The following CHD9 variants were observed in gnomAD, a reference collection of about 807,000 sequenced individuals.
The protein encoded by CHD9 is chromodomain helicase DNA binding protein 9.
In CHD9, 77 loss-of-function variants were observed where a neutral mutation model predicts 316.1. That is an observed-to-expected ratio of 0.24 (90% confidence interval 0.20 to 0.29). The LOEUF (loss-of-function observed/expected upper bound fraction) is 0.29, where lower values mean the gene tolerates loss of function less well. CHD9 is among the 10% of genes least tolerant of loss of function. The pLI is 1.00. For missense variants in CHD9, 2,763 were observed against 3,438.1 expected, an observed-to-expected ratio of 0.80 and a Z score of 4.91; for synonymous variants, 1,129 against 1,158.3, an observed-to-expected ratio of 0.97 and a Z score of 0.51.
chr16:53,148,373 C>G (rs2040813896), intron 1 of CHD9, among the ~76,000 whole-genome samples: 1 of 152,204 alleles, frequency 6.6e-6, no homozygotes, highest in African/African-American at 2.4e-5. Context: ...TCCTGAGTAG[C>G]TGGGACTACA....
intron 2 of CHD9, among the ~76,000 whole-genome samples, chr16:53,160,811 G>A (rs1000203294): frequency 1.3e-5 from 2 of 152,180 alleles, no homozygotes; most frequent in Non-Finnish European, 2.9e-5. Context: ...GGAAGCTGAG[G>A]CAGGAGAATC....
intron 2 of CHD9, among the ~76,000 whole-genome samples, chr16:53,185,610 G>C (rs1211147131): frequency 1.3e-5 from 2 of 152,208 alleles, no homozygotes; most frequent in African/African-American, 4.8e-5. Flanking sequence ...AATGGGGCAA[G>C]TGTCTCCAAG....
At chr16:53,226,588 C>T in intron 5 of CHD9, 76 bp downstream of exon 5, 1 of 1,505,296 alleles carries the variant, frequency 6.6e-7, no homozygotes, top group Non-Finnish European at 8.9e-7. Flanking sequence ...ATTGTTTTTC[C>T]TACTAAAAAT....
chr16:53,114,330 T>C (rs2152627787), intron 1 of CHD9, among the ~76,000 whole-genome samples: 2 of 152,178 alleles, frequency 1.3e-5, no homozygotes, highest in East Asian at 3.9e-4. Flanking sequence ...CGATCTTGGC[T>C]CACTGCAACC....
intron 1 of CHD9, chr16:53,131,071 G>GCCA (rs2039244706): frequency 2.0e-4 from 2 of 10,086 alleles, no homozygotes; most frequent in Non-Finnish European, 4.2e-4. Flanking sequence ...AAGTGCCGCC[G>GCCA]CCGCCGCCGC....
At chr16:53,059,855 G>A (rs958833113) in intron 1 of CHD9, among the ~76,000 whole-genome samples, 2 of 152,222 alleles carry the variant, frequency 1.3e-5, no homozygotes, top group Non-Finnish European at 1.5e-5. Context: ...CGTACAGTAA[G>A]TCCAAGTAAC....
rs115766352 is a variant in CHD9 at position 53,268,187 on chromosome 16, C to T, written c.4717+61C>T. On this transcript the variant is annotated intron_variant, in intron 22 of 38. Transcript: ENST00000447540. The stretch of plus-strand genomic sequence containing the variant: ...TTTTAGTTATATAAGTAATACTTAA[C>T]ATATTCTCCTATAAAATATAAAAGC... 91 of 1,092,130 alleles carry T rather than the reference C, an allele frequency of 8.3e-5. No individual in the cohort carries two copies. The African/African-American group carries it at 1.2e-3, about 14-fold the overall frequency. The allele number at this position is 1,092,130 out of a possible 1,614,324, so 67.7% of individuals were successfully genotyped here.
chr16:53,200,570 G>A (rs1432800184), intron 2 of CHD9, among the ~76,000 whole-genome samples: 3 of 151,984 alleles, frequency 2.0e-5, no homozygotes, highest in Non-Finnish European at 4.4e-5. Context: ...CTTGTTTAGA[G>A]TAGAATTCCA....
rs180880231 is a variant in CHD9, at chr16:53,120,748, T to C, written c.-164-35178T>C. ...GGCCAGGTGCAGTGGCTCACGCCTG[T>C]AATCTCAGCATGTTGGGAGTCTGAG... On this transcript the variant is annotated intron_variant, in intron 1 of 38. Coordinates refer to ENST00000447540, the MANE Select transcript of CHD9 (RefSeq NM_001308319.2). Among the ~76,000 whole-genome samples, 19 of 152,380 alleles carry C rather than the reference T, an allele frequency of 1.2e-4. No homozygotes were observed. In the East Asian group the frequency reaches 3.5e-3, roughly 28 times the overall value.
rs888292869 is a variant in CHD9 at position 53,127,023 on chromosome 16, C to T, written c.-164-28903C>T. On this transcript the variant is annotated intron_variant, in intron 1 of 38. Transcript: ENST00000447540. ...AGGCTGGAGTGCAGTGGCGTGATCA[C>T]AGCCCACTACAGCCTCAACCTCCTG... 3.6e-4 allele frequency among the ~76,000 whole-genome samples: 54 copies of T among 151,570 alleles called. 1 individual carries two copies. Among genetic ancestry groups the T allele is most frequent in the African/African-American group, 1.2e-3 (50 of 41,186 alleles).
intron 24 of CHD9, among the ~76,000 whole-genome samples, chr16:53,283,410 T>TAA (rs1469553723): frequency 8.4e-6 from 1 of 118,520 alleles, no homozygotes; most frequent in Non-Finnish European, 2.0e-5. Flanking sequence ...ACACCTAATG[T>TAA]GCTTATGGCA....
chr16:53,225,722 A>G (rs1239811200), intron 4 of CHD9, among the ~76,000 whole-genome samples: 1 of 152,008 alleles, frequency 6.6e-6, no homozygotes, highest in Non-Finnish European at 1.5e-5. Flanking sequence ...ATTCAAAATT[A>G]TTTGGTAGAT....
intron 18 of CHD9, among the ~76,000 whole-genome samples, chr16:53,255,000 A>G (rs970996972): frequency 2.6e-5 from 4 of 152,050 alleles, no homozygotes; most frequent in Admixed American, 2.0e-4. Context: ...TTCTTGCCTA[A>G]TATCTATCGG....
At chr16:53,191,560 C>G (rs946196927) in intron 2 of CHD9, among the ~76,000 whole-genome samples, 1 of 152,044 alleles carries the variant, frequency 6.6e-6, no homozygotes, top group Non-Finnish European at 1.5e-5. Context: ...TTCTTTTATT[C>G]AGCATAAGGC....
intron 22 of CHD9, among the ~76,000 whole-genome samples, chr16:53,270,376 T>G (rs2052131399): frequency 1.3e-5 from 2 of 152,116 alleles, no homozygotes; most frequent in African/African-American, 4.8e-5. Context: ...TAAGAAGCTA[T>G]TATTGCATCT....
chr16:53,195,838 A>G (rs535045972), intron 2 of CHD9, among the ~76,000 whole-genome samples: 1 of 151,016 alleles, frequency 6.6e-6, no homozygotes, highest in East Asian at 1.9e-4. Flanking sequence ...GCTCACTGCA[A>G]TCTCCACCTC....
At chr16:53,184,842 C>T (rs1037494502) in intron 2 of CHD9, among the ~76,000 whole-genome samples, 13 of 152,132 alleles carry the variant, frequency 8.5e-5, no homozygotes, top group South Asian at 4.1e-4. Context: ...TTAGTTCTCA[C>T]GAGATCTCAC....
intron 1 of CHD9, among the ~76,000 whole-genome samples, chr16:53,110,225 C>G (rs2037756489): frequency 6.6e-6 from 1 of 152,114 alleles, no homozygotes; most frequent in African/African-American, 2.4e-5. Flanking sequence ...ACTGAACTTA[C>G]AGGAACAAAG....
intron 1 of CHD9, among the ~76,000 whole-genome samples, chr16:53,063,484 T>G (rs1278611838): frequency 1.3e-5 from 2 of 152,108 alleles, no homozygotes; most frequent in African/African-American, 4.8e-5. Flanking sequence ...TCTCCCTGTA[T>G]CTACTGCCCT....
Sources: allele counts gnomAD v4.1 joint callset (sites outside exome capture counted in the v4.1 genomes callset), GRCh38; gene constraint gnomAD v4.1.1; transcripts MANE v1.5; gene names NCBI Gene and HGNC (gene_info 2026-07-23, HGNC 2026-07-21).